Variants in MAST1 observed in about 807,000 individuals in gnomAD.
The protein encoded by MAST1 is microtubule associated serine/threonine kinase 1.
In MAST1, 40 loss-of-function variants were observed where a neutral mutation model predicts 124.6. The observed-to-expected ratio is 0.32, with a 90% CI of 0.25 to 0.42. MAST1 has a LOEUF of 0.42. Among genes scored for constraint, MAST1 ranks in the 10% least tolerant of loss-of-function variants. The pLI is 1.00. For synonymous variants in MAST1, 938 were observed against 939.4 expected (o/e 1.00, Z 0.03); for missense variants, 1,558 against 2,181.9 (o/e 0.71, Z 5.70).
Position 12,870,914 on chromosome 19 carries a change from G to A in MAST1, c.3094G>A (p.Val1032Met), listed in dbSNP as rs751631026. Residue 1032 changes from valine to methionine, a missense_variant, in exon 23 of 26, where the codon GTG becomes ATG. Transcript: ENST00000251472. The part of the protein sequence containing the change: ...HVNGEPVHGM[V>M]HPEVVELILK... ...GAATGGGGAGCCTGTGCATGGCATG[G>A]TGCATCCTGAGGTCGTGGAGCTGAT... 42 of 1,613,964 alleles carry A rather than the reference G, an allele frequency of 2.6e-5. No individual in the cohort carries two copies. The highest frequency in any genetic ancestry group is 1.9e-5 in the Non-Finnish European group (23 of 1,180,016).
chr19:12,859,320 T>C (rs1970052227), intron 12 of MAST1, among the ~76,000 whole-genome samples: 1 of 152,162 alleles, frequency 6.6e-6, no homozygotes, highest in Admixed American at 6.6e-5. Context: ...CCTTAAGTGA[T>C]CTGCCTGCCT....
At position 12,858,558 on chromosome 19, in the gene MAST1, C is replaced by T. The variant is rs1402678949; in HGVS notation, c.1185C>T (p.Asp395=). 1.9e-6 allele frequency: 3 copies of T among 1,614,132 alleles called. No individual in the cohort carries two copies. The highest frequency in any genetic ancestry group is 2.5e-6 in the Non-Finnish European group (3 of 1,180,058). The stretch of plus-strand genomic sequence containing the variant: ...CTGTCTACCTGGTGCGGCACCGCGA[C>T]ACGCGGCAGCGCTTTGCCATGAAAA... ...YGAVYLVRHR[D]TRQRFAMKKI... Residue 395 remains aspartate, a synonymous_variant, in exon 12 of 26, where the codon GAC becomes GAT. Transcript: ENST00000251472.
chr19:12,874,607 G>C lies in MAST1; in HGVS notation c.4450G>C (p.Val1484Leu). ...GGGCCGGGAGCGCTGGGTGTTGGAG[G>C]TGGTGGAGGAGCGCACCACGCTGAG... ...PRGRERWVLE[V>L]VEERTTLSGP... The change falls in exon 26 of 26, where the codon GTG (valine) becomes CTG (leucine). Residue 1484 changes from valine (V) to leucine (L), a missense_variant. By Grantham distance (32) the Val-to-Leu change is conservative. Around this residue, in one of 10 missense-constraint regions of MAST1, gnomAD observed 168 missense variants for 154.3 expected, o/e 1.09. Transcript: ENST00000251472. The surrounding 1 kb of genome is among the most constrained non-coding windows in gnomAD (Gnocchi z 6.6). 6.6e-7 allele frequency: 1 copy of C among 1,512,568 alleles called. No homozygotes were observed. The highest frequency in any genetic ancestry group is 8.8e-7 in the Non-Finnish European group (1 of 1,131,262). The allele number at this position is 1,512,568 out of a possible 1,614,324, so 93.7% of individuals were successfully genotyped here. A position where few individuals can be genotyped will look rare whatever the true frequency, so the allele number is the denominator to read the frequency against.
rs750839364 is a variant in MAST1 at position 12,852,153 on chromosome 19, G to A, written c.915G>A (p.Ala305=). 4 of 1,613,966 alleles carry A rather than the reference G, an allele frequency of 2.5e-6. No homozygotes were observed. The highest frequency in any genetic ancestry group is 2.5e-6 in the Non-Finnish European group (3 of 1,179,986). The change falls in exon 9 of 26, where the codon GCG becomes GCA. Residue 305 remains alanine, a synonymous_variant. Coordinates refer to ENST00000251472, the MANE Select transcript of MAST1 (RefSeq NM_014975.3). ...AGGAGTTCTACCACCTGCTGGAGGC[G>A]GCCGAAGGACACGCCAAGGAGGGCC... ...NPEEFYHLLE[A]AEGHAKEGHL...
chr19:12,873,613 C>T lies in MAST1; in HGVS notation c.3456C>T (p.Ala1152=), dbSNP rs1421853827. The stretch of plus-strand genomic sequence containing the variant: ...TTCACCTCCTGTCTCCCGCAGGCGC[C>T]TCATCCCAGAGCAGCTCCCCAGCCT... ...RSTPDSAYLG[A]SSQSSSPASS... The change falls in exon 26 of 26, where the codon GCC becomes GCT. Residue 1152 remains alanine (A), a synonymous_variant. Coordinates refer to ENST00000251472, the MANE Select transcript of MAST1 (RefSeq NM_014975.3). 2.5e-6 allele frequency: 4 copies of T among 1,584,570 alleles called. No individual in the cohort carries two copies. Among genetic ancestry groups the T allele is most frequent in the Admixed American group, 1.7e-5 (1 of 59,442 alleles).
intron 25 of MAST1, 29 bp downstream of exon 25, chr19:12,873,540 C>G: frequency 6.3e-7 from 1 of 1,588,934 alleles, no homozygotes; most frequent in Non-Finnish European, 8.5e-7. Context: ...GCGCGGGGAC[C>G]GAGCAGCGCG....
At position 12,871,020 on chromosome 19, in the gene MAST1, C is replaced by T. The variant is rs578058347; in HGVS notation, c.3127-16C>T. 7.2e-5 allele frequency: 117 copies of T among 1,613,994 alleles called. No homozygotes were observed. The highest frequency in any genetic ancestry group is 2.4e-4 in the South Asian group (22 of 91,084). On this transcript the variant is annotated splice_polypyrimidine_tract_variant and intron_variant, in intron 23 of 25. Transcript: ENST00000251472. Reference sequence around the variant, plus strand: ...AGCAGCCCCTAGCAGAGCATTTTCCCGCATTCTTCCCCCAGAGTGGCAACA... The same window carrying T: ...AGCAGCCCCTAGCAGAGCATTTTCCTGCATTCTTCCCCCAGAGTGGCAACA...
Position 12,866,836 on chromosome 19 carries a change from G to A in MAST1, c.2139+74G>A. 1.6e-6 allele frequency: 2 copies of A among 1,259,766 alleles called. No homozygotes were observed. The highest frequency in any genetic ancestry group is 1.1e-6 in the Non-Finnish European group (1 of 881,432). The allele number at this position is 1,259,766 out of a possible 1,614,324, so 78.0% of individuals were successfully genotyped here. On this transcript the variant is annotated intron_variant, in intron 18 of 25. Transcript: ENST00000251472. This position sits in a 1 kb window ranked among gnomAD's most constrained non-coding sequence, Gnocchi z 5.2. Reference sequence around the variant, plus strand: ...GGCTTGGAGAGACAGTGAGAAACAGGTTCCCTGGTGCCCAAGGTCTCAGGA... The same window carrying A: ...GGCTTGGAGAGACAGTGAGAAACAGATTCCCTGGTGCCCAAGGTCTCAGGA...
intron 10 of MAST1, among the ~76,000 whole-genome samples, chr19:12,852,849 AAAAAT>A (rs561793669): frequency 6.6e-6 from 1 of 151,542 alleles, no homozygotes; most frequent in Admixed American, 6.6e-5. Flanking sequence ...AACTGTCTCA[AAAAAT>A]AAAATAAAAT....
chr19:12,847,314 C>A lies in MAST1; in HGVS notation c.352C>A (p.Leu118Ile), dbSNP rs750548831. The A allele has an allele frequency of 2.5e-6, 4 of 1,613,910 alleles. No homozygotes were observed. The South Asian group carries it at 4.4e-5, about 18-fold the overall frequency. ...GTCCTCCTGCTCCTCCCAGGAGCGC[C>A]TTCACCAGCTGCCCTACCAGCCCAC... The part of the protein sequence containing the change: ...VSSSCSSQER[L>I]HQLPYQPTVD... Residue 118 changes from leucine (L) to isoleucine (I), a missense_variant, in exon 5 of 26, where the codon CTT becomes ATT. Leu to Ile is a conservative substitution (Grantham distance 5, BLOSUM62 2). This residue lies in a region of MAST1 where 165 missense variants were observed against 315.3 expected (regional missense o/e 0.52). Transcript: ENST00000251472. The surrounding 1 kb of genome is among the most constrained non-coding windows in gnomAD (Gnocchi z 5.5).
Position 12,874,424 on chromosome 19 carries a change from C to A in MAST1, c.4267C>A (p.Arg1423Ser), listed in dbSNP as rs781757581. ...GGTGCAGGAACACGAGACAGGCCGGCGCAGCAGCTCTGGCGAGGCGGGCAC... is the reference window on the plus strand; with the variant it reads ...GGTGCAGGAACACGAGACAGGCCGGAGCAGCAGCTCTGGCGAGGCGGGCAC... ...SPVQEHETGRRSSSGEAGTPL... is the reference protein window; with the variant it reads ...SPVQEHETGRSSSSGEAGTPL... Residue 1423 changes from arginine to serine, a missense_variant, in exon 26 of 26, where the codon CGC becomes AGC. Around this residue, in one of 10 missense-constraint regions of MAST1, gnomAD observed 263 missense variants for 310.9 expected, o/e 0.85. Coordinates refer to ENST00000251472, the MANE Select transcript of MAST1 (RefSeq NM_014975.3). The surrounding 1 kb of genome is among the most constrained non-coding windows in gnomAD (Gnocchi z 6.6). 1.3e-6 allele frequency: 2 copies of A among 1,598,312 alleles called. No individual in the cohort carries two copies. The highest frequency in any genetic ancestry group is 8.5e-7 in the Non-Finnish European group (1 of 1,178,926).
rs200643899 is a variant in MAST1, at chr19:12,847,310, G to A, written c.348G>A (p.Glu116=). The change falls in exon 5 of 26, where the codon GAG becomes GAA. Residue 116 remains glutamate, a synonymous_variant. Coordinates refer to ENST00000251472, the MANE Select transcript of MAST1 (RefSeq NM_014975.3). This position sits in a 1 kb window ranked among gnomAD's most constrained non-coding sequence, Gnocchi z 5.5. ...CCCAGTCCTCCTGCTCCTCCCAGGA[G>A]CGCCTTCACCAGCTGCCCTACCAGC... The part of the protein sequence containing the change: ...STVSSSCSSQ[E]RLHQLPYQPT... 8 of 1,613,676 alleles carry A rather than the reference G, an allele frequency of 5.0e-6. No individual in the cohort carries two copies. The African/African-American group carries it at 8.0e-5, about 16-fold the overall frequency.
chr19:12,868,102 G>GTTTTTTTTTTTTTTTTTTTTT (rs1568414424), intron 20 of MAST1, 125 bp downstream of exon 20: 6 of 539,342 alleles, frequency 1.1e-5, no homozygotes, highest in East Asian at 1.5e-4. Flanking sequence ...TGCAATTTGG[G>GTTTTTTTTTTTTTTTTTTTTT]ATTTTTTTTT....
At position 12,873,836 on chromosome 19, in the gene MAST1, G is replaced by C; in HGVS notation, c.3679G>C (p.Gly1227Arg). Residue 1227 changes from glycine (G) to arginine (R), a missense_variant, in exon 26 of 26, where the codon GGC (glycine) becomes CGC (arginine). By Grantham distance (125) the Gly-to-Arg change is moderately radical. Transcript: ENST00000251472. Reference sequence around the variant, plus strand: ...GCCGCCACTGCCGGGCCACACGGTGGGCAGCTCGCACACTACTCAGAGCTT... The same window carrying C: ...GCCGCCACTGCCGGGCCACACGGTGCGCAGCTCGCACACTACTCAGAGCTT... ...SPPPLPGHTV[G>R]SSHTTQSFPA... 2 of 1,590,724 alleles carry C rather than the reference G, an allele frequency of 1.3e-6. No homozygotes were observed. The highest frequency in any genetic ancestry group is 1.7e-6 in the Non-Finnish European group (2 of 1,175,682).
At chr19:12,844,839 A>C (rs1329830152) in intron 4 of MAST1, among the ~76,000 whole-genome samples, 1 of 152,180 alleles carries the variant, frequency 6.6e-6, no homozygotes, top group East Asian at 1.9e-4. Flanking sequence ...CCAGTGGGGA[A>C]GCCATGGAAT....
chr19:12,872,344 G>A (rs1337874890), intron 24 of MAST1, among the ~76,000 whole-genome samples: 1 of 152,228 alleles, frequency 6.6e-6, no homozygotes. Flanking sequence ...GGAGCCAGAC[G>A]GGGTTGAGAT....
chr19:12,859,991 C>T (rs749921246), intron 12 of MAST1, among the ~76,000 whole-genome samples: 124 of 151,886 alleles, frequency 8.2e-4, no homozygotes, highest in Non-Finnish European at 1.6e-3. Flanking sequence ...CACGAGCCAC[C>T]GAGCCCATCC....
At chr19:12,848,082 G>T in intron 7 of MAST1, 25 bp downstream of exon 7, 2 of 1,603,246 alleles carry the variant, frequency 1.2e-6, no homozygotes, top group South Asian at 1.1e-5. Context: ...AGGCCGGGCT[G>T]ATCTCAGGCT....
At position 12,868,688 on chromosome 19, in the gene MAST1, G is replaced by T. The variant is rs776659305; in HGVS notation, c.2612G>T (p.Gly871Val). The T allele has an allele frequency of 1.6e-5, 25 of 1,611,566 alleles. No individual in the cohort carries two copies. In the Admixed American group the frequency reaches 1.7e-4, roughly 11 times the overall value. The part of the protein sequence containing the change: ...PGDLCPPSKD[G>V]DASGPRATND... ...GACCTCTGCCCACCCTCGAAGGATG[G>T]GGATGCATCAGGCCCAAGGGCTACC... The change falls in exon 21 of 26, where the codon GGG (glycine) becomes GTG (valine). Residue 871 changes from glycine to valine, a missense_variant. By Grantham distance (109) the Gly-to-Val change is moderately radical. Around this residue, in one of 10 missense-constraint regions of MAST1, gnomAD observed 287 missense variants for 308.0 expected, o/e 0.93. Coordinates refer to ENST00000251472, the MANE Select transcript of MAST1 (RefSeq NM_014975.3).
Sources: gnomAD v4.1 joint callset for allele counts (sites outside exome capture counted in the v4.1 genomes callset) on GRCh38, gnomAD v4.1.1 for gene constraint, gnomAD v4.1.1 regional missense constraint, Gnocchi (gnomAD v3.1) non-coding constraint, MANE v1.5 for transcripts, NCBI Gene and HGNC (gene_info 2026-07-23, HGNC 2026-07-21) for gene names.